Variants in FANCD2OS observed in about 807,000 individuals in gnomAD.
The protein encoded by FANCD2OS is FANCD2 opposite strand.
In FANCD2OS, 11 loss-of-function variants were observed where a neutral mutation model predicts 13.2. That is an observed-to-expected ratio of 0.83 (90% CI 0.52 to 1.38). The LOEUF (loss-of-function observed/expected upper bound fraction) is 1.38, where lower values mean the gene tolerates loss of function less well. Ranked by LOEUF, FANCD2OS falls within the 40% of genes most tolerant of loss-of-function variation. The pLI, the probability that FANCD2OS is intolerant of heterozygous loss-of-function variation, is 0.00. For missense variants in FANCD2OS, 217 were observed against 213.9 expected (o/e 1.01, Z -0.09); for synonymous variants, 69 against 84.5 (o/e 0.82, Z 1.01).
Position 10,105,768 on chromosome 3 carries a change from AAAATT to A in FANCD2OS, c.-8-991_-8-987del, listed in dbSNP as rs1559415087. Among the ~76,000 whole-genome samples the A allele has an allele frequency of 7.6e-4, 39 of 51,384 alleles. 3 individuals are homozygous for A. In the African/African-American group the frequency reaches 7.7e-3, roughly 10 times the overall value. 33.7% of individuals were successfully genotyped at this position (51,384 alleles called of 152,430 possible). A position where few individuals can be genotyped will look rare whatever the true frequency, so the allele number is the denominator to read the frequency against. ...TCCATCTAAAAAAAAAAAAAAAAAA[AAAATT>A]ATATATATATATATATATATATATA... On this transcript the variant is annotated intron_variant, in intron 1 of 1. Transcript: ENST00000450660.
chr3:10,095,354 C>A, intron 2 of FANCD2OS: 1 of 1,112,198 alleles, frequency 9.0e-7, no homozygotes, highest in Non-Finnish European at 1.4e-6. Context: ...CATGGGCTAC[C>A]ATCCTTCTTC....
intron 2 of FANCD2OS, among the ~76,000 whole-genome samples, chr3:10,091,715 A>G (rs1694621830): frequency 6.6e-6 from 1 of 151,824 alleles, no homozygotes; most frequent in Non-Finnish European, 1.5e-5. Context: ...GAACTCTTTG[A>G]AAAAAAATCC....
chr3:10,103,011 CTT>C (rs1695362602), downstream of FANCD2OS: 1 of 418,292 alleles, frequency 2.4e-6, no homozygotes, highest in Non-Finnish European at 4.7e-6. Flanking sequence ...AATCCCAACA[CTT>C]TGGGAGGCCG....
chr3:10,090,330 A>C, intron 2 of FANCD2OS: 1 of 1,613,428 alleles, frequency 6.2e-7, no homozygotes, highest in Non-Finnish European at 8.5e-7. Context: ...ATGATGGCTG[A>C]ACTAGAGAAG....
At chr3:10,094,722 C>T (rs750490552) in intron 2 of FANCD2OS, 2 of 322,090 alleles carry the variant, frequency 6.2e-6, no homozygotes, top group Admixed American at 4.6e-5. Flanking sequence ...AAAAAAAGCT[C>T]ATTTGTGTCA....
At chr3:10,085,407 T>C (rs1245322066) in intron 2 of FANCD2OS, among the ~76,000 whole-genome samples, 3 of 150,654 alleles carry the variant, frequency 2.0e-5, no homozygotes, top group Non-Finnish European at 3.0e-5. Context: ...TTTTTTTTTT[T>C]TTTGAGATGG....
chr3:10,089,148 G>A (rs1334887188), intron 2 of FANCD2OS, among the ~76,000 whole-genome samples: 3 of 152,056 alleles, frequency 2.0e-5, no homozygotes, highest in Non-Finnish European at 4.4e-5. Flanking sequence ...AGCCGGGCGT[G>A]GTGGCACATG....
Position 10,108,111 on chromosome 3 carries a change from C to T in FANCD2OS, c.-105G>A, listed in dbSNP as rs1158159768. The T allele has an allele frequency of 6.6e-6, 1 of 152,198 alleles. No homozygotes were observed. The highest frequency in any genetic ancestry group is 1.5e-5 in the Non-Finnish European group (1 of 68,156). 9.4% of individuals were successfully genotyped at this position (152,198 alleles called of 1,614,324 possible). A position where few individuals can be genotyped will look rare whatever the true frequency, so the allele number is the denominator to read the frequency against. ...GAGCTGCCGAGAGTGCGAGAGGCTCCCACTCCCCGCCGGAAGAAGGGGCTT... is the reference window on the plus strand; with the variant it reads ...GAGCTGCCGAGAGTGCGAGAGGCTCTCACTCCCCGCCGGAAGAAGGGGCTT... On this transcript the variant is annotated 5_prime_UTR_variant, in exon 1 of 2. Coordinates refer to ENST00000450660, the MANE Select transcript of FANCD2OS (RefSeq NM_001164839.2).
downstream of FANCD2OS, chr3:10,098,947 A>C (rs749940072): frequency 6.2e-7 from 1 of 1,614,196 alleles, no homozygotes; most frequent in African/African-American, 1.3e-5. Flanking sequence ...CATTCCCTCC[A>C]TAACAGCTTC....
At chr3:10,105,772 TTATA>T (rs574690780) in intron 1 of FANCD2OS, among the ~76,000 whole-genome samples, 1,696 of 22,272 alleles carry the variant, frequency 0.076, 89 homozygotes, top group Non-Finnish European at 0.099. Context: ...AAAAAAAAAA[TTATA>T]TATATATATA....
intron 1 of FANCD2OS, among the ~76,000 whole-genome samples, chr3:10,105,808 A>T (rs1331058956): frequency 1.2e-5 from 1 of 81,222 alleles, no homozygotes; most frequent in African/African-American, 5.8e-5. Flanking sequence ...ATATATATAT[A>T]TATATATATA....
At chr3:10,101,437 G>A, downstream of FANCD2OS, 1 of 562,146 alleles carries the variant, frequency 1.8e-6, no homozygotes, top group South Asian at 2.0e-5. Context: ...CCAGGCTGGA[G>A]TGCAGTGCTG....
chr3:10,098,503 G>A (rs765312571), downstream of FANCD2OS, among the ~76,000 whole-genome samples: 5 of 152,012 alleles, frequency 3.3e-5, no homozygotes, highest in Admixed American at 1.3e-4. Flanking sequence ...TGAACCTTTC[G>A]TTACATTACT....
At chr3:10,084,133 A>G (rs1282054776) in intron 2 of FANCD2OS, among the ~76,000 whole-genome samples, 1 of 151,760 alleles carries the variant, frequency 6.6e-6, no homozygotes, top group Non-Finnish European at 1.5e-5. Context: ...AGCTGAGATT[A>G]CATGCGCCTG....
intron 2 of FANCD2OS, among the ~76,000 whole-genome samples, chr3:10,089,438 C>G (rs182181301): frequency 6.6e-6 from 1 of 152,198 alleles, no homozygotes; most frequent in Admixed American, 6.5e-5. Flanking sequence ...GGGCTCTCAG[C>G]TAATATATTT....
At chr3:10,100,057 G>A (rs181877289), downstream of FANCD2OS, among the ~76,000 whole-genome samples, 4 of 151,870 alleles carry the variant, frequency 2.6e-5, no homozygotes, top group South Asian at 2.1e-4. Context: ...GCATGGTGAC[G>A]CATGCCTGTG....
At chr3:10,098,886 G>A (rs568997706), downstream of FANCD2OS, 4 of 1,614,220 alleles carry the variant, frequency 2.5e-6, no homozygotes, top group South Asian at 2.2e-5. Flanking sequence ...AGTTGGTGGA[G>A]CAGAACTTTG....
chr3:10,107,096 T>C (rs922807391), intron 1 of FANCD2OS, among the ~76,000 whole-genome samples: 1 of 152,118 alleles, frequency 6.6e-6, no homozygotes, highest in African/African-American at 2.4e-5. Context: ...GGGACAGTTA[T>C]CTATTCCAAA....
At chr3:10,084,772 G>A (rs994772938) in intron 2 of FANCD2OS, among the ~76,000 whole-genome samples, 3 of 152,312 alleles carry the variant, frequency 2.0e-5, no homozygotes, top group East Asian at 1.9e-4. Context: ...GATCTAGGAC[G>A]TCAGATTGTG....
Sources: gnomAD v4.1 joint callset for allele counts (sites outside exome capture counted in the v4.1 genomes callset) on GRCh38, gnomAD v4.1.1 for gene constraint, MANE v1.5 for transcripts, NCBI Gene and HGNC (gene_info 2026-07-23, HGNC 2026-07-21) for gene names.